LRCH2: variants seen among roughly 807,000 people sequenced by gnomAD.
The protein encoded by LRCH2 is leucine-rich repeat and calponin homology domain-containing protein 2.
In LRCH2, 38 loss-of-function variants were observed where a neutral mutation model predicts 68.9. The ratio of observed to expected loss-of-function variants is 0.55; its 90% CI spans 0.43 to 0.72. The LOEUF is 0.72. LRCH2 is among the 30% of genes least tolerant of loss of function. LRCH2 has a pLI of 0.00. For missense variants in LRCH2, 528 were observed against 572.9 expected, an observed-to-expected ratio of 0.92 and a Z score of 0.80; for synonymous variants, 191 against 208.1, an observed-to-expected ratio of 0.92 and a Z score of 0.71.
chrX:115,208,818 T>C (rs1298283368), intron 1 of LRCH2, among the ~76,000 whole-genome samples: 1 of 112,140 alleles, frequency 8.9e-6, no homozygotes, highest in African/African-American at 3.2e-5. Flanking sequence ...TAGATTACCA[T>C]AGTCTCTCCT....
intron 1 of LRCH2, among the ~76,000 whole-genome samples, chrX:115,215,171 T>C (rs1041057470): frequency 8.9e-6 from 1 of 111,951 alleles, no homozygotes. Flanking sequence ...AATGAAGCTT[T>C]AAGAAAAACA....
intron 14 of LRCH2, among the ~76,000 whole-genome samples, chrX:115,133,589 A>G (rs1301127016): frequency 8.9e-6 from 1 of 112,109 alleles, no homozygotes; most frequent in African/African-American, 3.2e-5. Flanking sequence ...TGTCCGTCAA[A>G]TTTTGAGAAT....
In LRCH2 at chrX:115,111,808, A is replaced by G. The variant is rs1401145728; in HGVS notation, c.*1408T>C. 1 of 111,613 alleles carries G rather than the reference A, an allele frequency of 9.0e-6. No homozygotes were observed. 9.2% of individuals were successfully genotyped at this position (111,613 alleles called of 1,213,427 possible). On this transcript the variant is annotated 3_prime_UTR_variant, in exon 21 of 21. Transcript: ENST00000317135. Reference sequence around the variant, plus strand: ...GGCACACTAGTTTTTTACCTTTTATATATACCCTTTGAAATACCCAGGCCA... The same window carrying G: ...GGCACACTAGTTTTTTACCTTTTATGTATACCCTTTGAAATACCCAGGCCA...
chrX:115,223,670 C>T (rs1182947595), intron 1 of LRCH2, among the ~76,000 whole-genome samples: 1 of 110,038 alleles, frequency 9.1e-6, no homozygotes, highest in Non-Finnish European at 1.9e-5. Context: ...AATCCCAACA[C>T]TCTGGGAAGC....
At chrX:115,183,158 G>C (rs2072707001) in intron 3 of LRCH2, among the ~76,000 whole-genome samples, 1 of 110,794 alleles carries the variant, frequency 9.0e-6, no homozygotes, top group African/African-American at 3.3e-5. Context: ...GGTTGTATCT[G>C]ATCACTTCTA....
intron 20 of LRCH2, among the ~76,000 whole-genome samples, chrX:115,115,223 G>T (rs1252295159): frequency 9.1e-6 from 1 of 110,343 alleles, no homozygotes. Context: ...AATTGATATG[G>T]AAATGCAAGG....
chrX:115,188,682 T>A (rs1244593719), intron 1 of LRCH2, among the ~76,000 whole-genome samples: 2 of 110,916 alleles, frequency 1.8e-5, no homozygotes, highest in East Asian at 5.7e-4. Context: ...AACACAAAAA[T>A]TAGCCGGATG....
At chrX:115,179,386 AT>A in intron 5 of LRCH2, 40 bp downstream of exon 5, 1 of 1,012,542 alleles carries the variant, frequency 9.9e-7, no homozygotes, top group African/African-American at 1.9e-5. Flanking sequence ...AAAATTATGA[AT>A]AAAAATGAGA....
chrX:115,213,639 C>A (rs1307380197), intron 1 of LRCH2, among the ~76,000 whole-genome samples: 2 of 111,913 alleles, frequency 1.8e-5, no homozygotes, highest in African/African-American at 6.5e-5. Context: ...AAAAGAATCA[C>A]CTCCATTTAG....
chrX:115,192,631 C>A (rs201685275), intron 1 of LRCH2: 1 of 1,169,314 alleles, frequency 8.6e-7, no homozygotes, highest in South Asian at 1.9e-5. Flanking sequence ...GGGGGAAGGC[C>A]GGAGCAGATA....
chrX:115,130,121 A>G, intron 15 of LRCH2, 34 bp downstream of exon 15: 1 of 859,752 alleles, frequency 1.2e-6, no homozygotes, highest in Non-Finnish European at 1.6e-6. Flanking sequence ...ATAAGTAAAC[A>G]TTTCAAATAA....
chrX:115,181,915 T>G (rs980850335), intron 3 of LRCH2, among the ~76,000 whole-genome samples: 1 of 111,594 alleles, frequency 9.0e-6, no homozygotes, highest in Non-Finnish European at 1.9e-5. Flanking sequence ...AAAAGCATGG[T>G]TGTGCCTGTA....
intron 11 of LRCH2, 89 bp from the exon 12 acceptor site, chrX:115,156,756 T>A (rs2072478354): frequency 2.1e-6 from 1 of 480,080 alleles, no homozygotes; most frequent in African/African-American, 2.5e-5. Flanking sequence ...AAACTGCATC[T>A]GGTCCTTGAA....
intron 14 of LRCH2, among the ~76,000 whole-genome samples, chrX:115,136,489 T>A (rs2072291192): frequency 1.8e-5 from 2 of 111,268 alleles, no homozygotes; most frequent in African/African-American, 6.5e-5. Context: ...TTTACCTTTT[T>A]TTTTTGCCTT....
intron 1 of LRCH2, chrX:115,192,427 G>T: frequency 8.6e-7 from 1 of 1,166,929 alleles, no homozygotes; most frequent in Non-Finnish European, 1.1e-6. Context: ...CGCCTACAGC[G>T]GCGACCACGA....
At chrX:115,113,371 T>C (rs2072057481) in intron 20 of LRCH2, 36 bp from the exon 21 acceptor site, 1 of 1,076,127 alleles carries the variant, frequency 9.3e-7, no homozygotes, top group Non-Finnish European at 1.2e-6. Flanking sequence ...ACATTCATTT[T>C]TTAGAAGTGT....
chrX:115,190,258 C>T (rs1556556990), intron 1 of LRCH2: 5 of 1,157,738 alleles, frequency 4.3e-6, no homozygotes, highest in South Asian at 1.9e-5. Flanking sequence ...CCCGGACTAC[C>T]GTCCCTTGAG....
rs1227623470 is a variant in LRCH2 at position 115,125,596 on chromosome X, CAT to C, written c.1791+1245_1791+1246del. Among the ~76,000 whole-genome samples, 51 of 18,793 alleles carry C rather than the reference CAT, an allele frequency of 2.7e-3. 10 individuals are homozygous for C. In the South Asian group the frequency reaches 0.18, roughly 67 times the overall value. 16.3% of individuals were successfully genotyped at this position (18,793 alleles called of 115,157 possible). A position where few individuals can be genotyped will look rare whatever the true frequency, so the allele number is the denominator to read the frequency against. ...ATACACACACACATATATATATACACATATATATACGTATATATATATGTATA... is the reference window on the plus strand; with the variant it reads ...ATACACACACACATATATATATACACATATATACGTATATATATATGTATA... On this transcript the variant is annotated intron_variant, in intron 16 of 20. Coordinates refer to ENST00000317135, the MANE Select transcript of LRCH2 (RefSeq NM_020871.4).
chrX:115,228,742 T>C (rs782409101), intron 1 of LRCH2, among the ~76,000 whole-genome samples: 47 of 111,401 alleles, frequency 4.2e-4, no homozygotes, highest in African/African-American at 1.5e-3. Flanking sequence ...ACCCCAATTT[T>C]AAAACATCCC....
Sources: gnomAD v4.1 joint callset for allele counts (sites outside exome capture counted in the v4.1 genomes callset) on GRCh38, gnomAD v4.1.1 for gene constraint, MANE v1.5 for transcripts, NCBI Gene and HGNC (gene_info 2026-07-23, HGNC 2026-07-21) for gene names.